The following HDGFL3 variants were observed in gnomAD, a reference collection of about 807,000 sequenced individuals.
The protein encoded by HDGFL3 is HDGF like 3.
In HDGFL3, 6 loss-of-function variants were observed where a neutral mutation model predicts 27.6. The ratio of observed to expected loss-of-function variants is 0.22; its 90% CI spans 0.12 to 0.43. HDGFL3 has a LOEUF of 0.43. Ranked by LOEUF, HDGFL3 falls within the 20% of genes least tolerant of loss-of-function variation. The pLI is 1.00. For synonymous variants in HDGFL3, 88 were observed against 88.9 expected, an observed-to-expected ratio of 0.99 and a Z score of 0.05; for missense variants, 207 against 250.1, an observed-to-expected ratio of 0.83 and a Z score of 1.16.
intron 1 of HDGFL3, among the ~76,000 whole-genome samples, chr15:83,183,944 T>C (rs1217941371): frequency 2.0e-5 from 3 of 152,134 alleles, no homozygotes; most frequent in Non-Finnish European, 2.9e-5. Context: ...CCTAGTTATA[T>C]GCAAGATTTT....
intron 4 of HDGFL3, among the ~76,000 whole-genome samples, chr15:83,153,048 G>A (rs981816965): frequency 6.8e-6 from 1 of 146,798 alleles, no homozygotes; most frequent in Non-Finnish European, 1.5e-5. Context: ...AGGCTGGAGT[G>A]CCGTGGGGCT....
At chr15:83,201,738 G>T (rs1481916597) in intron 1 of HDGFL3, among the ~76,000 whole-genome samples, 1 of 152,140 alleles carries the variant, frequency 6.6e-6, no homozygotes, top group Admixed American at 6.5e-5. Context: ...TTCCAAAGGG[G>T]ATGTGCCAGG....
downstream of HDGFL3, among the ~76,000 whole-genome samples, chr15:83,126,241 G>A (rs2035740602): frequency 6.6e-6 from 1 of 152,122 alleles, no homozygotes; most frequent in Non-Finnish European, 1.5e-5. Context: ...ACTCAGAGGG[G>A]ACCTAGTAAA....
At chr15:83,113,795 G>A (rs1270467486) in exon 4 of HDGFL3, 3 of 152,326 alleles carry the variant, frequency 2.0e-5, no homozygotes, top group Non-Finnish European at 2.9e-5. Flanking sequence ...GGAAGAAAGT[G>A]GTGGCTCTTA....
exon 4 of HDGFL3, chr15:83,115,180 T>TA: frequency 3.0e-4 from 49 of 162,714 alleles, no homozygotes; most frequent in South Asian, 1.2e-3. Context: ...TGCAGTGGTG[T>TA]GATCTCGGCT....
At chr15:83,148,495 GCCT>G (rs1293126016) in intron 5 of HDGFL3, among the ~76,000 whole-genome samples, 1 of 152,038 alleles carries the variant, frequency 6.6e-6, no homozygotes, top group African/African-American at 2.4e-5. Context: ...GGTGGTGGGT[GCCT>G]GTAGTCCCAG....
At chr15:83,199,829 T>C (rs2037617518) in intron 1 of HDGFL3, among the ~76,000 whole-genome samples, 1 of 150,162 alleles carries the variant, frequency 6.7e-6, no homozygotes, top group Admixed American at 6.6e-5. Flanking sequence ...GATCACGAGG[T>C]CAGGAGTTCA....
chr15:83,181,921 T>C (rs979249340), intron 1 of HDGFL3, among the ~76,000 whole-genome samples: 3 of 152,272 alleles, frequency 2.0e-5, no homozygotes, highest in African/African-American at 4.8e-5. Context: ...ACACACTTGC[T>C]TTTAGGGTTT....
chr15:83,179,982 T>C (rs2037359792), intron 1 of HDGFL3: 1 of 152,180 alleles, frequency 6.6e-6, no homozygotes, highest in Admixed American at 6.6e-5. Flanking sequence ...AGTATAAGGA[T>C]TGTCACTTGG....
rs564306913 is a variant in HDGFL3 at position 83,207,682 on chromosome 15, C to CCCGCCGCCGCCG, written c.-280_-269dup. ...GCCCGCGTCCGGCCGCGCCAAGGTCCCCGCCGCCGCCGCCGCCGCCGCCGC... is the reference window on the plus strand; with the variant it reads ...GCCCGCGTCCGGCCGCGCCAAGGTCCCCGCCGCCGCCGCCGCCGCCGCCGCCGCCGCCGCCGC... On this transcript the variant is annotated 5_prime_UTR_variant, in exon 1 of 6. Coordinates refer to ENST00000299633, the MANE Select transcript of HDGFL3 (RefSeq NM_016073.4). The surrounding 1 kb of genome is among the most constrained non-coding windows in gnomAD (Gnocchi z 4.8). 2.4e-4 allele frequency: 37 copies of CCCGCCGCCGCCG among 152,168 alleles called. No homozygotes were observed. The highest frequency in any genetic ancestry group is 8.9e-4 in the South Asian group (5 of 5,646). The allele number at this position is 152,168 out of a possible 1,614,324, so 9.4% of individuals were successfully genotyped here.
At chr15:83,141,412 T>C (rs899926001) in intron 5 of HDGFL3, among the ~76,000 whole-genome samples, 5 of 152,130 alleles carry the variant, frequency 3.3e-5, no homozygotes, top group Non-Finnish European at 7.4e-5. Context: ...CATTTTGATA[T>C]GAAGGAATGA....
chr15:83,160,926 C>T (rs2037094637), intron 2 of HDGFL3, among the ~76,000 whole-genome samples: 2 of 152,142 alleles, frequency 1.3e-5, no homozygotes, highest in Admixed American at 6.5e-5. Flanking sequence ...TTATTGTTCA[C>T]CTTTAATTGC....
In HDGFL3 at chr15:83,135,756, A is replaced by T. The variant is rs1462313923; in HGVS notation, c.*3514T>A. The T allele has an allele frequency of 6.6e-6, 1 of 152,204 alleles. No individual in the cohort carries two copies. The highest frequency in any genetic ancestry group is 2.4e-5 in the African/African-American group (1 of 41,462). 9.4% of individuals were successfully genotyped at this position (152,204 alleles called of 1,614,324 possible). A position where few individuals can be genotyped will look rare whatever the true frequency, so the allele number is the denominator to read the frequency against. ...TGCTGACATGTCGTACTTCTAAATA[A>T]ATTATAATTTGATTTAAAAAGGTTG... On this transcript the variant is annotated 3_prime_UTR_variant, in exon 6 of 6. Transcript: ENST00000299633.
At chr15:83,164,226 T>C (rs1487870331) in intron 1 of HDGFL3, 151 bp from the exon 2 acceptor site, 3 of 572,576 alleles carry the variant, frequency 5.2e-6, no homozygotes, top group African/African-American at 3.9e-5. Context: ...AAGTTCCTAT[T>C]TGGCCCACCA....
intron 1 of HDGFL3, among the ~76,000 whole-genome samples, chr15:83,164,814 T>C (rs897337959): frequency 4.6e-5 from 7 of 152,220 alleles, no homozygotes; most frequent in African/African-American, 1.4e-4. Flanking sequence ...ACACATACAT[T>C]ATTCCTTAGA....
downstream of HDGFL3, among the ~76,000 whole-genome samples, chr15:83,125,084 T>C (rs536300649): frequency 1.8e-4 from 28 of 152,310 alleles, no homozygotes; most frequent in Admixed American, 2.6e-4. Flanking sequence ...CTGATTTAAA[T>C]GTAAATATCT....
chr15:83,183,537 G>C (rs2037404694), intron 1 of HDGFL3, among the ~76,000 whole-genome samples: 1 of 152,108 alleles, frequency 6.6e-6, no homozygotes, highest in South Asian at 2.1e-4. Context: ...AAGGCAGGCA[G>C]ATCACTAGAG....
At position 83,198,054 on chromosome 15, in the gene HDGFL3, C is replaced by CAAAAAAAAAAAAAAAAAA. The variant is rs766372255; in HGVS notation, c.84+9259_84+9276dup. Among the ~76,000 whole-genome samples the CAAAAAAAAAAAAAAAAAA allele has an allele frequency of 1.9e-3, 112 of 57,582 alleles. 14 individuals carry two copies. The highest frequency in any genetic ancestry group is 7.6e-3 in the African/African-American group (79 of 10,456). 37.8% of individuals were successfully genotyped at this position (57,582 alleles called of 152,430 possible). On this transcript the variant is annotated intron_variant, in intron 1 of 5. Coordinates refer to ENST00000299633, the MANE Select transcript of HDGFL3 (RefSeq NM_016073.4). ...GGGGTGACAGAGAGAGACTCCGTCT[C>CAAAAAAAAAAAAAAAAAA]AAAAAAAAAAAAAAAAAAAAGAAGC...
chr15:83,197,107 A>C (rs1370036328), intron 1 of HDGFL3, among the ~76,000 whole-genome samples: 1 of 152,238 alleles, frequency 6.6e-6, no homozygotes, highest in Non-Finnish European at 1.5e-5. Context: ...CTCAAAACGA[A>C]GAATGGAGAC....
Sources: allele counts gnomAD v4.1 joint callset (sites outside exome capture counted in the v4.1 genomes callset), GRCh38; gene constraint gnomAD v4.1.1; non-coding constraint Gnocchi (gnomAD v3.1); transcripts MANE v1.5; gene names NCBI Gene and HGNC (gene_info 2026-07-23, HGNC 2026-07-21).